FAAH: variants seen among roughly 807,000 people sequenced by gnomAD.
The protein encoded by FAAH is fatty-acid amide hydrolase 1.
A neutral mutation model predicts 69.7 loss-of-function variants in FAAH; 63 were observed. The observed-to-expected ratio is 0.90, with a 90% confidence interval of 0.74 to 1.12. The LOEUF is 1.12. FAAH is among the 50% of genes most tolerant of loss of function. The pLI is 0.00. For missense variants in FAAH, 680 were observed against 755.0 expected, an observed-to-expected ratio of 0.90 and a Z score of 1.16; for synonymous variants, 305 against 324.2, an observed-to-expected ratio of 0.94 and a Z score of 0.64.
At chr1:46,394,855 A>G (rs537873661) in intron 1 of FAAH, among the ~76,000 whole-genome samples, 2 of 152,230 alleles carry the variant, frequency 1.3e-5, no homozygotes, top group Non-Finnish European at 2.9e-5. Flanking sequence ...CGTGACAACC[A>G]GTGGGATGCC....
Position 46,410,118 on chromosome 1 carries a change from A to C in FAAH, c.1176-280A>C. ...GAGGTACCCTCAGGGAGGCCTCATC[A>C]GGGAGATGTTGCCCTCAGTTCTTAG... is the stretch of plus-strand genomic sequence containing the variant. On this transcript the variant is annotated intron_variant, in intron 9 of 14. Coordinates refer to ENST00000243167, the MANE Select transcript of FAAH (RefSeq NM_001441.3). The surrounding 1 kb of genome is among the most constrained non-coding windows in gnomAD (Gnocchi z 4.9). 2.5e-6 allele frequency: 1 copy of C among 401,594 alleles called. No homozygotes were observed. Among genetic ancestry groups the C allele is most frequent in the East Asian group, 5.1e-5 (1 of 19,582 alleles). 24.9% of individuals were successfully genotyped at this position (401,594 alleles called of 1,614,324 possible).
chr1:46,397,989 A>C (rs1427379536), intron 1 of FAAH, among the ~76,000 whole-genome samples: 1 of 136,790 alleles, frequency 7.3e-6, no homozygotes, highest in Non-Finnish European at 1.5e-5. Context: ...GCTGGAGTGC[A>C]CTGGTGCAAT....
rs1251644128 is a variant in FAAH at position 46,411,772 on chromosome 1, C to A, written c.1356+121C>A. The A allele has an allele frequency of 2.0e-5, 22 of 1,083,458 alleles. No individual in the cohort carries two copies. Among genetic ancestry groups the A allele is most frequent in the African/African-American group, 3.1e-5 (2 of 64,184 alleles). The allele number at this position is 1,083,458 out of a possible 1,614,324, so 67.1% of individuals were successfully genotyped here. A position where few individuals can be genotyped will look rare whatever the true frequency, so the allele number is the denominator to read the frequency against. ...TGGGGCTCCTAGACTGGCCTGTCAT[C>A]CCCCTTCCACTCCCTGGACCACCAC... is the stretch of plus-strand genomic sequence containing the variant. On this transcript the variant is annotated intron_variant, in intron 12 of 14. Coordinates refer to ENST00000243167, the MANE Select transcript of FAAH (RefSeq NM_001441.3). This position sits in a 1 kb window ranked among gnomAD's most constrained non-coding sequence, Gnocchi z 4.8.
intron 2 of FAAH, among the ~76,000 whole-genome samples, chr1:46,402,945 G>A (rs774426391): frequency 6.6e-6 from 1 of 152,028 alleles, no homozygotes. Flanking sequence ...CACCCGCCTC[G>A]GTCTCCCAAA....
At chr1:46,395,348 C>T (rs1664577916) in intron 1 of FAAH, among the ~76,000 whole-genome samples, 1 of 152,224 alleles carries the variant, frequency 6.6e-6, no homozygotes, top group Non-Finnish European at 1.5e-5. Flanking sequence ...CTCTCTGGCT[C>T]CTGCTGTGGT....
chr1:46,410,165 G>T lies in FAAH; in HGVS notation c.1176-233G>T, dbSNP rs1569823114. 1.8e-6 allele frequency: 1 copy of T among 549,650 alleles called. No homozygotes were observed. The allele number at this position is 549,650 out of a possible 1,614,324, so 34.0% of individuals were successfully genotyped here. On this transcript the variant is annotated intron_variant, in intron 9 of 14. Transcript: ENST00000243167. This position sits in a 1 kb window ranked among gnomAD's most constrained non-coding sequence, Gnocchi z 4.9. ...TTAGAGCTCTGAGCTGGGTTTGCTGGAGAGGGATACCCTGAGTCCTGCCTT... is the reference window on the plus strand; with the variant it reads ...TTAGAGCTCTGAGCTGGGTTTGCTGTAGAGGGATACCCTGAGTCCTGCCTT...
chr1:46,412,136 T>G lies in FAAH; in HGVS notation c.1357-7T>G, dbSNP rs1664927031. On this transcript the variant is annotated splice_polypyrimidine_tract_variant and splice_region_variant and intron_variant, in intron 12 of 14. Coordinates refer to ENST00000243167, the MANE Select transcript of FAAH (RefSeq NM_001441.3). ...TGCTTTCACCTGGTGTGTTGTGTCC[T>G]CCGCAGGTGTACCGCAAAACCGTGA... 1 of 1,553,868 alleles carries G rather than the reference T, an allele frequency of 6.4e-7. No individual in the cohort carries two copies. Among genetic ancestry groups the G allele is most frequent in the Non-Finnish European group, 8.7e-7 (1 of 1,147,964 alleles).
In FAAH at chr1:46,413,190, TG is replaced by T. The variant is rs753952587; in HGVS notation, c.1585del (p.Asp529IlefsTer11). 5.0e-5 allele frequency: 80 copies of T among 1,614,030 alleles called. No individual in the cohort carries two copies. Among genetic ancestry groups the T allele is most frequent in the Non-Finnish European group, 8.5e-7 (1 of 1,180,012 alleles). ...AGATGGAACATTACAGGGGCTACTT[TG>T]GGGATATCTGGGACAAGATGCTGCA... ...AQMEHYRGYF[G>X]DIWDKMLQKG... On this transcript the variant is annotated frameshift_variant, in exon 14 of 15. Transcript: ENST00000243167. LOFTEE classifies it high-confidence loss of function.
chr1:46,406,346 C>G lies in FAAH; in HGVS notation c.929C>G (p.Pro310Arg). The change falls in exon 7 of 15, where the codon CCT becomes CGT. Residue 310 changes from proline to arginine, a missense_variant. By Grantham distance (103) the Pro-to-Arg change is moderately radical. Coordinates refer to ENST00000243167, the MANE Select transcript of FAAH (RefSeq NM_001441.3). ...EDMFRLDPTV[P>R]PLPFREEVYT... Reference sequence around the variant, plus strand: ...ATGTTCCGCTTGGACCCCACTGTGCCTCCCTTGCCCTTCAGAGAAGAGGTG... The same window carrying G: ...ATGTTCCGCTTGGACCCCACTGTGCGTCCCTTGCCCTTCAGAGAAGAGGTG... 1 of 1,614,116 alleles carries G rather than the reference C, an allele frequency of 6.2e-7. No homozygotes were observed. The highest frequency in any genetic ancestry group is 8.5e-7 in the Non-Finnish European group (1 of 1,180,046).
In FAAH at chr1:46,411,613, T is replaced by C. The variant is rs199922366; in HGVS notation, c.1318T>C (p.Ser440Pro). The C allele has an allele frequency of 8.1e-6, 13 of 1,613,884 alleles. No homozygotes were observed. The highest frequency in any genetic ancestry group is 1.3e-5 in the African/African-American group (1 of 74,966). Residue 440 changes from serine (S) to proline (P), a missense_variant and splice_region_variant, in exon 12 of 15, where the codon TCG becomes CCG. Physicochemically the swap from Ser to Pro is moderately conservative, Grantham distance 74 (BLOSUM62 -1). Transcript: ENST00000243167. This position sits in a 1 kb window ranked among gnomAD's most constrained non-coding sequence, Gnocchi z 4.8. Reference sequence around the variant, plus strand: ...GGTGACCACACTCCTTCTGCCCAGTTCGGCTGGAAAACTCTGGGAACTGCA... The same window carrying C: ...GGTGACCACACTCCTTCTGCCCAGTCCGGCTGGAAAACTCTGGGAACTGCA... ...SAFLSNMKSR[S>P]AGKLWELQHE...
At chr1:46,407,101 T>G (rs937768145) in intron 7 of FAAH, among the ~76,000 whole-genome samples, 2 of 151,772 alleles carry the variant, frequency 1.3e-5, no homozygotes, top group Admixed American at 6.6e-5. Context: ...TGCTGCTACG[T>G]GAGCCAGGGT....
rs562233370 is a variant in FAAH, at chr1:46,404,000, G to A, written c.310-1014G>A. Among the ~76,000 whole-genome samples the A allele has an allele frequency of 9.3e-4, 142 of 152,360 alleles. 1 individual carries two copies. The highest frequency in any genetic ancestry group is 1.7e-3 in the Non-Finnish European group (116 of 68,036). ...TGTGGCCTGCATGATTTCTTGAAAG[G>A]GTGTGGGACAGTGAGTGTGACCCCT... On this transcript the variant is annotated intron_variant, in intron 2 of 14. Coordinates refer to ENST00000243167, the MANE Select transcript of FAAH (RefSeq NM_001441.3).
Position 46,413,273 on chromosome 1 carries a change from C to T in FAAH, c.1611+53C>T, listed in dbSNP as rs1244633809. On this transcript the variant is annotated intron_variant, in intron 14 of 14. Transcript: ENST00000243167. ...ACTCACTCCCCACCCTGACTCTGGC[C>T]GCTGTGGAGGAAACAGTACCAGCAC... 2.5e-5 allele frequency: 40 copies of T among 1,613,196 alleles called. 1 individual carries two copies. The highest frequency in any genetic ancestry group is 1.7e-4 in the Middle Eastern group (1 of 5,936).
rs1410499231 is a variant in FAAH at position 46,410,021 on chromosome 1, C to T, written c.1176-377C>T. The T allele has an allele frequency of 2.3e-5, 5 of 221,086 alleles. No individual in the cohort carries two copies. The highest frequency in any genetic ancestry group is 3.6e-5 in the Non-Finnish European group (4 of 110,220). The allele number at this position is 221,086 out of a possible 1,614,324, so 13.7% of individuals were successfully genotyped here. Reference sequence around the variant, plus strand: ...TGAGATCTTGAGCCAGAGATAGCCTCAGAGCCCTGCTTCATGGGCAGCCCA... The same window carrying T: ...TGAGATCTTGAGCCAGAGATAGCCTTAGAGCCCTGCTTCATGGGCAGCCCA... On this transcript the variant is annotated intron_variant, in intron 9 of 14. Coordinates refer to ENST00000243167, the MANE Select transcript of FAAH (RefSeq NM_001441.3). This position sits in a 1 kb window ranked among gnomAD's most constrained non-coding sequence, Gnocchi z 4.9.
Position 46,394,503 on chromosome 1 carries a change from T to A in FAAH, c.155T>A (p.Leu52Gln). 1 of 1,394,508 alleles carries A rather than the reference T, an allele frequency of 7.2e-7. No homozygotes were observed. The highest frequency in any genetic ancestry group is 1.5e-5 in the African/African-American group (1 of 66,188). The allele number at this position is 1,394,508 out of a possible 1,614,324, so 86.4% of individuals were successfully genotyped here. The stretch of plus-strand genomic sequence containing the variant: ...GCGCGACAGAGGCAGCGAGCGGGCC[T>A]GGAGAACATGGACAGGGCGGCGCAG... ...VRARQRQRAG[L>Q]ENMDRAAQRF... The change falls in exon 1 of 15, where the codon CTG (leucine) becomes CAG (glutamine). Residue 52 changes from leucine to glutamine, a missense_variant. Leu to Gln is a moderately radical substitution (Grantham distance 113). Coordinates refer to ENST00000243167, the MANE Select transcript of FAAH (RefSeq NM_001441.3).
chr1:46,411,032 T>C lies in FAAH; in HGVS notation c.1316+178T>C. On this transcript the variant is annotated intron_variant, in intron 11 of 14. Coordinates refer to ENST00000243167, the MANE Select transcript of FAAH (RefSeq NM_001441.3). This position sits in a 1 kb window ranked among gnomAD's most constrained non-coding sequence, Gnocchi z 4.8. ...GGACTTTGAAGTTGTCTTGGCAAGG[T>C]CCAGTTCTGGCTGGAGAGCAAAGGC... The C allele has an allele frequency of 1.3e-6, 1 of 747,072 alleles. No homozygotes were observed. Among genetic ancestry groups the C allele is most frequent in the South Asian group, 1.5e-5 (1 of 67,782 alleles). The allele number at this position is 747,072 out of a possible 1,614,324, so 46.3% of individuals were successfully genotyped here. A position where few individuals can be genotyped will look rare whatever the true frequency, so the allele number is the denominator to read the frequency against.
chr1:46,401,966 A>G lies in FAAH; in HGVS notation c.196-125A>G, dbSNP rs1664710317. On this transcript the variant is annotated intron_variant, in intron 1 of 14. Transcript: ENST00000243167. The stretch of plus-strand genomic sequence containing the variant: ...TGGAGGAGACAGAGCTGCATTCTCT[A>G]GGGATGGCAAGGGCCTGCCCAGGCT... 8 of 799,680 alleles carry G rather than the reference A, an allele frequency of 1.0e-5. No individual in the cohort carries two copies. The South Asian group carries it at 1.2e-4, about 12-fold the overall frequency. The allele number at this position is 799,680 out of a possible 1,614,324, so 49.5% of individuals were successfully genotyped here. A position where few individuals can be genotyped will look rare whatever the true frequency, so the allele number is the denominator to read the frequency against.
rs1174825674 is a variant in FAAH at position 46,405,881 on chromosome 1, G to A, written c.785+87G>A. On this transcript the variant is annotated intron_variant, in intron 5 of 14. Transcript: ENST00000243167. The surrounding 1 kb of genome is among the most constrained non-coding windows in gnomAD (Gnocchi z 4.1). ...CTCTCTGGGCTCCAGGCGGGGATTC[G>A]GTCTCCGGGGTTTTGCTGGGAGGAA... 10 of 1,605,224 alleles carry A rather than the reference G, an allele frequency of 6.2e-6. No individual in the cohort carries two copies. Among genetic ancestry groups the A allele is most frequent in the East Asian group, 2.2e-5 (1 of 44,536 alleles).
chr1:46,394,466 G>GCC lies in FAAH; in HGVS notation c.119_120insCC (p.Val41ArgfsTer36). 7.2e-7 allele frequency: 1 copy of GCC among 1,382,270 alleles called. No homozygotes were observed. The highest frequency in any genetic ancestry group is 9.3e-7 in the Non-Finnish European group (1 of 1,075,212). The allele number at this position is 1,382,270 out of a possible 1,614,324, so 85.6% of individuals were successfully genotyped here. A position where few individuals can be genotyped will look rare whatever the true frequency, so the allele number is the denominator to read the frequency against. On this transcript the variant is annotated frameshift_variant, in exon 1 of 15. Transcript: ENST00000243167. LOFTEE classifies it high-confidence loss of function. ...GTCCGGGCGCCGGACGGCGCGGGGC[G>GCC]CGGTGGTCCGGGCGCGACAGAGGCA...
Sources: allele counts gnomAD v4.1 joint callset (sites outside exome capture counted in the v4.1 genomes callset), GRCh38; gene constraint gnomAD v4.1.1; non-coding constraint Gnocchi (gnomAD v3.1); transcripts MANE v1.5; gene names NCBI Gene and HGNC (gene_info 2026-07-23, HGNC 2026-07-21).